IFIT1: variants seen among roughly 807,000 people sequenced by gnomAD.
IFIT1 encodes the protein antiviral innate immune response effector IFIT1.
In IFIT1, 1 loss-of-function variant was observed where a neutral mutation model predicts 2.5. That is an observed-to-expected ratio of 0.40 (90% CI 0.14 to 1.92). IFIT1 has a LOEUF of 1.92. IFIT1 is among the 40% of genes most tolerant of loss of function. IFIT1 has a pLI of 0.31. For synonymous variants in IFIT1, 191 were observed against 201.7 expected (o/e 0.95, Z 0.45); for missense variants, 508 against 557.8 (o/e 0.91, Z 0.90).
Position 89,403,622 on chromosome 10 carries a change from G to T in IFIT1, c.1347G>T (p.Leu449Phe), listed in dbSNP as rs1031885469. Reference sequence around the variant, plus strand: ...GCCTCCTTGGGTTCGTCTACAAATTGGAAGGAAATATGAATGAAGCCCTGG... The same window carrying T: ...GCCTCCTTGGGTTCGTCTACAAATTTGAAGGAAATATGAATGAAGCCCTGG... ...SLSLLGFVYK[L>F]EGNMNEALEY... Residue 449 changes from leucine to phenylalanine, a missense_variant, in exon 2 of 2, where the codon TTG (leucine) becomes TTT (phenylalanine). Leu to Phe is a conservative substitution (Grantham distance 22, BLOSUM62 0). Transcript: ENST00000371804. 1.2e-6 allele frequency: 2 copies of T among 1,613,954 alleles called. No homozygotes were observed. The highest frequency in any genetic ancestry group is 3.3e-5 in the Admixed American group (2 of 59,976).
chr10:89,393,430 T>C, intron 1 of IFIT1: 1 of 661,882 alleles, frequency 1.5e-6, no homozygotes, highest in Non-Finnish European at 2.2e-6. Context: ...ATTTCTCAGC[T>C]GATTTAAAAA....
intron 1 of IFIT1, among the ~76,000 whole-genome samples, chr10:89,401,231 C>T (rs1008439810): frequency 6.6e-6 from 1 of 151,970 alleles, no homozygotes; most frequent in African/African-American, 2.4e-5. Context: ...ATTCTCCTGC[C>T]TCAGCCTCCG....
chr10:89,399,908 G>C (rs937964647), intron 1 of IFIT1, among the ~76,000 whole-genome samples: 10 of 152,212 alleles, frequency 6.6e-5, no homozygotes, highest in Non-Finnish European at 1.0e-4. Flanking sequence ...ACTTAAGGAT[G>C]CAGCAAGAAG....
chr10:89,397,227 T>C (rs1166066646), intron 1 of IFIT1, among the ~76,000 whole-genome samples: 2 of 152,084 alleles, frequency 1.3e-5, no homozygotes, highest in South Asian at 2.1e-4. Context: ...GTAATGAATA[T>C]TCTTGAGTAT....
At chr10:89,401,172 A>G (rs1844417124) in intron 1 of IFIT1, among the ~76,000 whole-genome samples, 1 of 150,406 alleles carries the variant, frequency 6.6e-6, no homozygotes, top group African/African-American at 2.5e-5. Context: ...GCCAGAGTGC[A>G]GTGGCGCGAT....
intron 1 of IFIT1, among the ~76,000 whole-genome samples, chr10:89,397,723 C>T (rs1252459768): frequency 6.6e-6 from 1 of 152,032 alleles, no homozygotes; most frequent in Non-Finnish European, 1.5e-5. Flanking sequence ...GGCTTTTCTA[C>T]AAATTATCTA....
rs186164770 is a variant in IFIT1 at position 89,402,418 on chromosome 10, C to A, written c.143C>A (p.Thr48Asn). ...RVLDQIEFLD[T>N]KYSVGIHNLL... ...TTGGATCAGATTGAATTCCTAGACA[C>A]CAAATACAGTGTGGGAATACACAAC... Residue 48 changes from threonine (T) to asparagine (N), a missense_variant, in exon 2 of 2, where the codon ACC (threonine) becomes AAC (asparagine). Physicochemically the swap from Thr to Asn is moderately conservative, Grantham distance 65. Coordinates refer to ENST00000371804, the MANE Select transcript of IFIT1 (RefSeq NM_001548.5). 1.2e-6 allele frequency: 2 copies of A among 1,614,086 alleles called. No individual in the cohort carries two copies. The highest frequency in any genetic ancestry group is 3.3e-5 in the Admixed American group (2 of 60,014).
rs200060906 is a variant in IFIT1 at position 89,394,577 on chromosome 10, AATATATATAT to A, written c.5+1902_5+1911del. Among the ~76,000 whole-genome samples, 539 of 108,668 alleles carry A rather than the reference AATATATATAT, an allele frequency of 5.0e-3. 5 individuals carry two copies. The highest frequency in any genetic ancestry group is 7.3e-3 in the South Asian group (25 of 3,404). 71.3% of individuals were successfully genotyped at this position (108,668 alleles called of 152,430 possible). ...TTTATGTCAATATGTACTACAGGAA[AATATATATAT>A]ATATATATATATATATATATATATA... On this transcript the variant is annotated intron_variant, in intron 1 of 1. Transcript: ENST00000371804.
intron 1 of IFIT1, 116 bp downstream of exon 1, chr10:89,392,833 T>C (rs2133612356): frequency 9.5e-7 from 1 of 1,056,110 alleles, no homozygotes; most frequent in Non-Finnish European, 1.5e-6. Flanking sequence ...TTCCTCGATT[T>C]GAGTATCTGC....
chr10:89,397,278 T>C (rs1173470728), intron 1 of IFIT1, among the ~76,000 whole-genome samples: 1 of 152,070 alleles, frequency 6.6e-6, no homozygotes, highest in Non-Finnish European at 1.5e-5. Context: ...GGAGATAGAT[T>C]CTGAGGAGTG....
At chr10:89,394,806 T>C (rs1364762403) in intron 1 of IFIT1, among the ~76,000 whole-genome samples, 1 of 151,948 alleles carries the variant, frequency 6.6e-6, no homozygotes, top group Non-Finnish European at 1.5e-5. Context: ...TCTCGCTATG[T>C]GGAGAAACTG....
chr10:89,398,720 T>C (rs1418385822), intron 1 of IFIT1, among the ~76,000 whole-genome samples: 3 of 152,378 alleles, frequency 2.0e-5, no homozygotes, highest in African/African-American at 7.2e-5. Context: ...CTTTTCTTTT[T>C]TAAGGCTGAA....
At chr10:89,393,089 A>C (rs1844281621) in intron 1 of IFIT1, 1 of 1,253,572 alleles carries the variant, frequency 8.0e-7, no homozygotes, top group African/African-American at 1.5e-5. Context: ...GTCTGAGTAG[A>C]GGCATTGCTT....
chr10:89,395,520 C>T (rs899242276), intron 1 of IFIT1, among the ~76,000 whole-genome samples: 5 of 152,064 alleles, frequency 3.3e-5, no homozygotes, highest in Non-Finnish European at 1.5e-5. Context: ...CTGACCAACA[C>T]ACTCAAACTC....
intron 1 of IFIT1, among the ~76,000 whole-genome samples, chr10:89,398,776 A>G (rs1029538915): frequency 1.3e-5 from 2 of 152,196 alleles, no homozygotes; most frequent in Admixed American, 6.5e-5. Context: ...CCATTCATCC[A>G]TCAATGGACA....
chr10:89,393,441 C>A, intron 1 of IFIT1: 1 of 592,910 alleles, frequency 1.7e-6, no homozygotes, highest in Non-Finnish European at 2.5e-6. Flanking sequence ...GATTTAAAAA[C>A]CATTACTTAG....
At chr10:89,397,331 T>TTTTAATTTTGATTTTAAAATTAA (rs1844358439) in intron 1 of IFIT1, among the ~76,000 whole-genome samples, 1 of 151,790 alleles carries the variant, frequency 6.6e-6, no homozygotes, top group African/African-American at 2.4e-5. Flanking sequence ...TGACCACCAT[T>TTTTAATTTTGATTTTAAAATTAA]AATTTTAATT....
chr10:89,401,763 GTAAT>G (rs1358804872), intron 1 of IFIT1, among the ~76,000 whole-genome samples: 5 of 143,316 alleles, frequency 3.5e-5, no homozygotes, highest in Non-Finnish European at 7.5e-5. Context: ...CCGTGAATCT[GTAAT>G]TATTTCCAAG....
intron 1 of IFIT1, among the ~76,000 whole-genome samples, chr10:89,402,048 T>C (rs759647450): frequency 1.2e-4 from 18 of 152,196 alleles, no homozygotes; most frequent in South Asian, 2.1e-4. Context: ...ATTCTACAAA[T>C]AGGACTCATA....
Sources: allele counts gnomAD v4.1 joint callset (sites outside exome capture counted in the v4.1 genomes callset), GRCh38; gene constraint gnomAD v4.1.1; transcripts MANE v1.5; gene names NCBI Gene and HGNC (gene_info 2026-07-23, HGNC 2026-07-21).